Variants in AHCTF1 observed in about 807,000 individuals in gnomAD.
AHCTF1 encodes the protein protein ELYS.
A neutral mutation model predicts 248.4 loss-of-function variants in AHCTF1; 24 were observed. The ratio of observed to expected loss-of-function variants is 0.10; its 90% CI spans 0.07 to 0.14. The LOEUF is 0.14. AHCTF1 is among the 10% of genes least tolerant of loss of function. AHCTF1 has a pLI of 1.00. For missense variants in AHCTF1, 2,206 were observed against 2,636.2 expected (o/e 0.84, Z 3.57); for synonymous variants, 786 against 929.8 (o/e 0.85, Z 2.81).
chr1:246,858,105 G>GC (rs1661238548), intron 29 of AHCTF1, among the ~76,000 whole-genome samples: 2 of 151,756 alleles, frequency 1.3e-5, no homozygotes, highest in Admixed American at 1.3e-4. Flanking sequence ...CACTACAGAT[G>GC]CCCGCCACCA....
chr1:246,931,269 C>T (rs535024624), intron 1 of AHCTF1: 3 of 1,548,626 alleles, frequency 1.9e-6, no homozygotes, highest in Non-Finnish European at 2.6e-6. Flanking sequence ...CCCGGCCGTC[C>T]GTAAAGGGAC....
At chr1:246,896,605 ACTTT>A (rs1190401500) in intron 12 of AHCTF1, among the ~76,000 whole-genome samples, 1 of 152,192 alleles carries the variant, frequency 6.6e-6, no homozygotes, top group Non-Finnish European at 1.5e-5. Flanking sequence ...TGGGCATAGA[ACTTT>A]CTTTAGAAGT....
chr1:246,913,201 C>T, intron 4 of AHCTF1, 31 bp downstream of exon 4: 1 of 1,497,588 alleles, frequency 6.7e-7, no homozygotes. Context: ...CCAGGTGCTC[C>T]ATTTTTGGTT....
intron 28 of AHCTF1, 82 bp from the exon 29 acceptor site, chr1:246,861,377 C>T (rs982807586): frequency 8.1e-7 from 1 of 1,227,388 alleles, no homozygotes; most frequent in African/African-American, 1.5e-5. Flanking sequence ...CCCAATCATA[C>T]CCATACTTTC....
intron 2 of AHCTF1, 35 bp downstream of exon 2, chr1:246,918,215 T>C (rs752739878): frequency 5.1e-6 from 8 of 1,560,574 alleles, no homozygotes; most frequent in South Asian, 1.3e-5. Flanking sequence ...TACAAATCAA[T>C]TGTATTAGTA....
chr1:246,874,983 C>A (rs1301248652), intron 24 of AHCTF1, among the ~76,000 whole-genome samples: 1 of 152,146 alleles, frequency 6.6e-6, no homozygotes. Context: ...CTTCCTAAAC[C>A]CCATGTAAAA....
chr1:246,900,575 A>C, intron 8 of AHCTF1, 106 bp from the exon 9 acceptor site: 1 of 1,212,236 alleles, frequency 8.2e-7, no homozygotes, highest in Non-Finnish European at 1.1e-6. Flanking sequence ...GGTTTAATTC[A>C]TATTTCACTT....
intron 4 of AHCTF1, among the ~76,000 whole-genome samples, 190 bp from the exon 5 acceptor site, chr1:246,907,948 C>T (rs1243882755): frequency 6.6e-6 from 1 of 152,074 alleles, no homozygotes; most frequent in Non-Finnish European, 1.5e-5. Context: ...TTAAATGCCA[C>T]AATTTAAAAA....
At position 246,840,219 on chromosome 1, in the gene AHCTF1, C is replaced by G. The variant is rs894660418; in HGVS notation, c.*587G>C. On this transcript the variant is annotated 3_prime_UTR_variant, in exon 36 of 36. Transcript: ENST00000648844. Reference sequence around the variant, plus strand: ...TAAGAGATGCCAACATTATAGTTAACCAATACTTGGATTATTCATTTGAGG... The same window carrying G: ...TAAGAGATGCCAACATTATAGTTAAGCAATACTTGGATTATTCATTTGAGG... The G allele has an allele frequency of 1.3e-5, 2 of 152,542 alleles. No individual in the cohort carries two copies. The highest frequency in any genetic ancestry group is 4.8e-5 in the African/African-American group (2 of 41,416). The allele number at this position is 152,542 out of a possible 1,614,324, so 9.4% of individuals were successfully genotyped here.
chr1:246,900,995 G>A (rs948050459), intron 8 of AHCTF1, among the ~76,000 whole-genome samples: 3 of 152,132 alleles, frequency 2.0e-5, no homozygotes, highest in African/African-American at 7.2e-5. Flanking sequence ...AGGAGAAGAA[G>A]AAAGTAAAAA....
At chr1:246,872,017 C>T (rs978652875) in intron 24 of AHCTF1, among the ~76,000 whole-genome samples, 1 of 137,190 alleles carries the variant, frequency 7.3e-6, no homozygotes, top group African/African-American at 2.8e-5. Flanking sequence ...GGGTATTTTC[C>T]ACACTTAGAT....
intron 24 of AHCTF1, among the ~76,000 whole-genome samples, chr1:246,869,136 C>T (rs1036985263): frequency 6.6e-6 from 1 of 151,964 alleles, no homozygotes; most frequent in Non-Finnish European, 1.5e-5. Flanking sequence ...AGCCACCACG[C>T]CCGGCCGTGT....
intron 16 of AHCTF1, among the ~76,000 whole-genome samples, chr1:246,890,274 G>A (rs960664507): frequency 1.3e-5 from 2 of 152,074 alleles, no homozygotes; most frequent in African/African-American, 4.8e-5. Flanking sequence ...TACATGGATG[G>A]GGGCTTAAAA....
At chr1:246,867,891 ACCC>A (rs936329065) in intron 24 of AHCTF1, 80 bp from the exon 25 acceptor site, 16 of 332,274 alleles carry the variant, frequency 4.8e-5, no homozygotes, top group African/African-American at 1.5e-4. Flanking sequence ...GAATGATTAC[ACCC>A]CCCCCCCCAC....
chr1:246,877,120 C>A (rs201677476), intron 22 of AHCTF1, 38 bp downstream of exon 22: 2 of 1,612,142 alleles, frequency 1.2e-6, no homozygotes, highest in East Asian at 4.5e-5. Flanking sequence ...ACCAATTTAT[C>A]TTGAATTTCT....
At chr1:246,926,938 G>T (rs1308218874) in intron 1 of AHCTF1, among the ~76,000 whole-genome samples, 2 of 152,180 alleles carry the variant, frequency 1.3e-5, no homozygotes, top group African/African-American at 4.8e-5. Context: ...ACTTTGGGAG[G>T]CTAAGGCGGG....
intron 33 of AHCTF1, among the ~76,000 whole-genome samples, chr1:246,846,321 T>C (rs1276935328): frequency 6.6e-6 from 1 of 151,720 alleles, no homozygotes; most frequent in Non-Finnish European, 1.5e-5. Flanking sequence ...AGAATATAAA[T>C]AGGCACAAGG....
At chr1:246,883,766 T>C (rs1663621823) in intron 21 of AHCTF1, among the ~76,000 whole-genome samples, 1 of 152,206 alleles carries the variant, frequency 6.6e-6, no homozygotes, top group Admixed American at 6.5e-5. Flanking sequence ...AGCCTTAATG[T>C]GCTAGTTTTC....
intron 15 of AHCTF1, among the ~76,000 whole-genome samples, chr1:246,891,277 A>T (rs1469693914): frequency 6.6e-6 from 1 of 152,196 alleles, no homozygotes; most frequent in African/African-American, 2.4e-5. Flanking sequence ...CAAAATGCTA[A>T]AATAAGTAAG....
Sources: gnomAD v4.1 joint callset for allele counts (sites outside exome capture counted in the v4.1 genomes callset) on GRCh38, gnomAD v4.1.1 for gene constraint, MANE v1.5 for transcripts, NCBI Gene and HGNC (gene_info 2026-07-23, HGNC 2026-07-21) for gene names.